Variants in STAU1 observed in about 807,000 individuals in gnomAD.
The protein encoded by STAU1 is staufen double-stranded RNA binding protein 1.
In STAU1, 13 loss-of-function variants were observed where a neutral mutation model predicts 62.9. The ratio of observed to expected loss-of-function variants is 0.21; its 90% CI spans 0.13 to 0.33. The LOEUF (loss-of-function observed/expected upper bound fraction) is 0.33. Among genes scored for constraint, STAU1 ranks in the 10% least tolerant of loss-of-function variants. The pLI, the probability that STAU1 is intolerant of heterozygous loss-of-function variation, is 1.00. For synonymous variants in STAU1, 269 were observed against 265.1 expected (o/e 1.01, Z -0.14); for missense variants, 571 against 712.1 (o/e 0.80, Z 2.25).
At chr20:49,142,282 T>C (rs1277983928) in intron 5 of STAU1, among the ~76,000 whole-genome samples, 3 of 152,016 alleles carry the variant, frequency 2.0e-5, no homozygotes, top group Non-Finnish European at 4.4e-5. Flanking sequence ...GAGATGGGGT[T>C]TCGTCATGCT....
At chr20:49,194,577 T>TCTTTCAAA in the STAU1 span, among the ~76,000 whole-genome samples, 1 of 151,984 alleles carries the variant, frequency 6.6e-6, no homozygotes, top group African/African-American at 2.4e-5. Context: ...AGAACTATTA[T>TCTTTCAAA]TATTACTATT....
chr20:49,153,895 C>A, intron 4 of STAU1, 38 bp downstream of exon 4: 6 of 1,532,156 alleles, frequency 3.9e-6, no homozygotes, highest in Non-Finnish European at 5.2e-6. Flanking sequence ...CACGTTTTCT[C>A]CTGTATTTTA....
At chr20:49,157,446 T>C (rs1600776068) in intron 3 of STAU1, among the ~76,000 whole-genome samples, 1 of 152,076 alleles carries the variant, frequency 6.6e-6, no homozygotes. Context: ...CCTGAGTAGC[T>C]GGGACTACAG....
intron 5 of STAU1, among the ~76,000 whole-genome samples, chr20:49,139,747 T>C (rs1479052964): frequency 6.6e-6 from 1 of 150,604 alleles, no homozygotes; most frequent in African/African-American, 2.4e-5. Context: ...AAATCCACAG[T>C]AAGATACCAC....
At chr20:49,126,588 C>CAAAAAAAAAAAAAAACAAAAAAA in intron 6 of STAU1, among the ~76,000 whole-genome samples, 1 of 56,348 alleles carries the variant, frequency 1.8e-5, no homozygotes, top group African/African-American at 6.4e-5. Context: ...AAAAAAAAAA[C>CAAAAAAAAAAAAAAACAAAAAAA]AAAAAAAAAA....
At chr20:49,173,675 G>C (rs747032421) in intron 2 of STAU1, among the ~76,000 whole-genome samples, 1 of 152,160 alleles carries the variant, frequency 6.6e-6, no homozygotes, top group African/African-American at 2.4e-5. Context: ...AACCCACATA[G>C]TGTATTTTGC....
chr20:49,127,093 G>A (rs377620777), intron 6 of STAU1, among the ~76,000 whole-genome samples: 4 of 152,152 alleles, frequency 2.6e-5, no homozygotes, highest in East Asian at 1.9e-4. Context: ...GGTGGCTCAC[G>A]CCTGTAATCC....
At chr20:49,135,050 T>A (rs150843427) in intron 6 of STAU1, 4 of 1,432,434 alleles carry the variant, frequency 2.8e-6, no homozygotes, top group Non-Finnish European at 3.9e-6. Context: ...TCCAGAGCCC[T>A]GGGCAGCATT....
At chr20:49,124,308 A>G in intron 7 of STAU1, 67 bp downstream of exon 7, 1 of 1,527,758 alleles carries the variant, frequency 6.5e-7, no homozygotes, top group African/African-American at 1.4e-5. Flanking sequence ...GACAGCGACC[A>G]GCCTTCTAAA....
the STAU1 span, among the ~76,000 whole-genome samples, chr20:49,216,379 T>A: frequency 1.3e-5 from 2 of 151,724 alleles, no homozygotes; most frequent in East Asian, 3.9e-4. Context: ...TACAAAAAAA[T>A]TGGCCAGGCA....
intron 8 of STAU1, among the ~76,000 whole-genome samples, chr20:49,120,673 T>C (rs976362806): frequency 1.8e-4 from 27 of 152,334 alleles, no homozygotes; most frequent in African/African-American, 6.5e-4. Context: ...AGCCATTACA[T>C]TGTAACTAGC....
intron 1 of STAU1, among the ~76,000 whole-genome samples, chr20:49,183,376 C>T (rs1355775451): frequency 2.0e-5 from 3 of 152,194 alleles, no homozygotes; most frequent in African/African-American, 7.2e-5. Context: ...TTTAGAGGCT[C>T]ATGAAAACAA....
chr20:49,184,876 CA>C lies in STAU1; in HGVS notation c.-160+3239del, dbSNP rs528500656. 4.2e-3 allele frequency among the ~76,000 whole-genome samples: 640 copies of C among 152,172 alleles called. 6 individuals are homozygous for C. Among genetic ancestry groups the C allele is most frequent in the African/African-American group, 0.014 (601 of 41,508 alleles). On this transcript the variant is annotated intron_variant, in intron 1 of 13. Transcript: ENST00000371856. The stretch of plus-strand genomic sequence containing the variant: ...CCTGATCAAGCTCAAAGTACACCTA[CA>C]AAACTCAAATAACAGACCTAAAAGC...
At chr20:49,207,384 A>G in the STAU1 span, among the ~76,000 whole-genome samples, 1 of 152,168 alleles carries the variant, frequency 6.6e-6, no homozygotes, top group East Asian at 1.9e-4. Flanking sequence ...GGGTTAGTGG[A>G]AGGCTTGGGT....
the STAU1 span, among the ~76,000 whole-genome samples, chr20:49,217,945 C>T: frequency 1.3e-5 from 2 of 151,766 alleles, no homozygotes; most frequent in East Asian, 3.9e-4. Flanking sequence ...GTGATCTCAG[C>T]TCACCGCAAC....
At chr20:49,143,904 G>A (rs1018095013) in intron 5 of STAU1, among the ~76,000 whole-genome samples, 1 of 152,206 alleles carries the variant, frequency 6.6e-6, no homozygotes, top group African/African-American at 2.4e-5. Context: ...ATCACCTGAT[G>A]CACCTGCAGC....
upstream of STAU1, among the ~76,000 whole-genome samples, chr20:49,188,646 C>A (rs1045384564): frequency 4.6e-5 from 7 of 152,352 alleles, no homozygotes; most frequent in Admixed American, 1.3e-4. Flanking sequence ...CCCAGCCTAC[C>A]TTCTTTCCTC....
At chr20:49,172,478 G>C (rs141291897) in intron 2 of STAU1, among the ~76,000 whole-genome samples, 1 of 152,324 alleles carries the variant, frequency 6.6e-6, no homozygotes, top group East Asian at 1.9e-4. Flanking sequence ...ATCTGCTGGA[G>C]ACTTTTAAAA....
At chr20:49,132,349 A>G (rs1337006508) in intron 6 of STAU1, among the ~76,000 whole-genome samples, 4 of 152,162 alleles carry the variant, frequency 2.6e-5, no homozygotes, top group Admixed American at 2.0e-4. Context: ...GATCCCCCCA[A>G]TCTAAATCTG....
Sources: allele counts gnomAD v4.1 joint callset (sites outside exome capture counted in the v4.1 genomes callset), GRCh38; gene constraint gnomAD v4.1.1; transcripts MANE v1.5; gene names NCBI Gene and HGNC (gene_info 2026-07-23, HGNC 2026-07-21).